Variants in ATP8A1 observed in about 807,000 individuals in gnomAD.
ATP8A1 encodes phospholipid-transporting ATPase IA.
In ATP8A1, 90 loss-of-function variants were observed where a neutral mutation model predicts 177.7. That is an observed-to-expected ratio of 0.51 (90% CI 0.43 to 0.60). The LOEUF is 0.60. Ranked by LOEUF, ATP8A1 falls within the 20% of genes least tolerant of loss-of-function variation. The pLI is 0.00. For synonymous variants in ATP8A1, 493 were observed against 485.9 expected (o/e 1.01, Z -0.19); for missense variants, 1,072 against 1,392.8 (o/e 0.77, Z 3.67).
chr4:42,575,214 A>G (rs1265254506), intron 13 of ATP8A1, among the ~76,000 whole-genome samples: 2 of 152,246 alleles, frequency 1.3e-5, no homozygotes, highest in Admixed American at 6.5e-5. Flanking sequence ...AAATATACAC[A>G]TATGTGAATA....
At chr4:42,423,296 A>T (rs1198015265) in intron 34 of ATP8A1, among the ~76,000 whole-genome samples, 2 of 152,112 alleles carry the variant, frequency 1.3e-5, no homozygotes, top group Non-Finnish European at 1.5e-5. Flanking sequence ...TTATAATAAA[A>T]AATGTTTTTG....
intron 4 of ATP8A1, among the ~76,000 whole-genome samples, chr4:42,619,491 T>C (rs562754546): frequency 2.0e-5 from 3 of 152,102 alleles, no homozygotes; most frequent in Admixed American, 1.3e-4. Flanking sequence ...CACATAAAAA[T>C]AGAAAATCAT....
At chr4:42,506,667 T>C (rs561759758) in intron 23 of ATP8A1, among the ~76,000 whole-genome samples, 32 of 151,962 alleles carry the variant, frequency 2.1e-4, no homozygotes, top group South Asian at 8.4e-4. Context: ...TACGCTCTTA[T>C]GGAAGCCCGA....
chr4:42,427,934 G>T (rs1290420367), intron 33 of ATP8A1, among the ~76,000 whole-genome samples: 2 of 152,150 alleles, frequency 1.3e-5, no homozygotes, highest in Non-Finnish European at 2.9e-5. Context: ...CTAATTTTGG[G>T]GAATGCAAAT....
intron 35 of ATP8A1, among the ~76,000 whole-genome samples, chr4:42,420,880 T>G (rs1351205896): frequency 6.6e-6 from 1 of 151,780 alleles, no homozygotes; most frequent in Non-Finnish European, 1.5e-5. Flanking sequence ...GCCATTCTCC[T>G]GCCTCAGCCT....
At chr4:42,446,098 A>AAAAAAAAAG (rs1553874360) in intron 31 of ATP8A1, among the ~76,000 whole-genome samples, 1 of 146,898 alleles carries the variant, frequency 6.8e-6, no homozygotes, top group African/African-American at 2.5e-5. Flanking sequence ...AAAAAAAAAA[A>AAAAAAAAAG]AGAGAAGAGA....
At chr4:42,464,857 A>G in intron 26 of ATP8A1, 36 bp downstream of exon 26, 2 of 1,612,696 alleles carry the variant, frequency 1.2e-6, no homozygotes, top group Non-Finnish European at 1.7e-6. Flanking sequence ...CAGTTGACTG[A>G]GAGGAATGAT....
chr4:42,615,088 T>C (rs1284466973), intron 5 of ATP8A1, among the ~76,000 whole-genome samples: 4 of 152,240 alleles, frequency 2.6e-5, no homozygotes, highest in Non-Finnish European at 5.9e-5. Flanking sequence ...AACAAATATG[T>C]TATAAGCTCT....
intron 5 of ATP8A1, among the ~76,000 whole-genome samples, chr4:42,600,982 AT>A (rs59622418): frequency 0.18 from 27,237 of 150,952 alleles, 2,581 homozygotes; most frequent in Non-Finnish European, 0.21. Flanking sequence ...TTAGGTTTAT[AT>A]TAATGCAAAA....
chr4:42,560,571 T>C (rs2153214910), intron 15 of ATP8A1, among the ~76,000 whole-genome samples: 2 of 139,136 alleles, frequency 1.4e-5, no homozygotes, highest in Non-Finnish European at 3.3e-5. Flanking sequence ...ATCACTTTAA[T>C]GAGTAAGGAA....
chr4:42,608,565 G>C (rs1461574612), intron 5 of ATP8A1, among the ~76,000 whole-genome samples: 1 of 152,054 alleles, frequency 6.6e-6, no homozygotes, highest in Non-Finnish European at 1.5e-5. Flanking sequence ...TCGCCATGTT[G>C]GTCAGGCTGG....
At chr4:42,506,582 C>T (rs1724386814) in intron 23 of ATP8A1, among the ~76,000 whole-genome samples, 1 of 152,204 alleles carries the variant, frequency 6.6e-6, no homozygotes, top group African/African-American at 2.4e-5. Context: ...CACGTGAGGA[C>T]AGCCGATCTT....
intron 6 of ATP8A1, among the ~76,000 whole-genome samples, chr4:42,597,370 C>T (rs1289938459): frequency 1.3e-5 from 2 of 152,162 alleles, no homozygotes; most frequent in African/African-American, 4.8e-5. Context: ...TGTGCCTGTT[C>T]GCTTGTTCAA....
chr4:42,435,952 T>C (rs1027231378), intron 33 of ATP8A1, among the ~76,000 whole-genome samples: 3 of 152,202 alleles, frequency 2.0e-5, no homozygotes, highest in African/African-American at 7.2e-5. Flanking sequence ...ACTGGTTTAG[T>C]ACCTGTTTCT....
At chr4:42,555,706 C>T (rs1035312504) in intron 16 of ATP8A1, among the ~76,000 whole-genome samples, 1 of 152,026 alleles carries the variant, frequency 6.6e-6, no homozygotes, top group African/African-American at 2.4e-5. Context: ...GCCTGTAATC[C>T]CAGCTACTGG....
At chr4:42,485,218 C>T (rs1474722234) in intron 25 of ATP8A1, among the ~76,000 whole-genome samples, 1 of 152,004 alleles carries the variant, frequency 6.6e-6, no homozygotes, top group Non-Finnish European at 1.5e-5. Flanking sequence ...AAGAAAGGAC[C>T]TAGGTGGAAA....
At chr4:42,514,499 C>T (rs1725326485) in intron 22 of ATP8A1, among the ~76,000 whole-genome samples, 1 of 152,112 alleles carries the variant, frequency 6.6e-6, no homozygotes, top group African/African-American at 2.4e-5. Flanking sequence ...ATATTTCCAT[C>T]TTGTTTTCAA....
chr4:42,568,790 A>G (rs956975051), intron 15 of ATP8A1, among the ~76,000 whole-genome samples: 1 of 152,138 alleles, frequency 6.6e-6, no homozygotes, highest in Non-Finnish European at 1.5e-5. Context: ...GTAGCTCTGT[A>G]AAGTACATAA....
intron 9 of ATP8A1, among the ~76,000 whole-genome samples, chr4:42,582,951 T>A (rs1231009748): frequency 6.6e-6 from 1 of 152,142 alleles, no homozygotes; most frequent in East Asian, 1.9e-4. Context: ...TACTACCAAG[T>A]CTTCATTTTA....
Sources: gnomAD v4.1 joint callset for allele counts (sites outside exome capture counted in the v4.1 genomes callset) on GRCh38, gnomAD v4.1.1 for gene constraint, MANE v1.5 for transcripts, NCBI Gene and HGNC (gene_info 2026-07-23, HGNC 2026-07-21) for gene names.